PCDH11X: variants seen among roughly 807,000 people sequenced by gnomAD.
PCDH11X encodes protocadherin-11 X-linked.
In PCDH11X, 18 loss-of-function variants were observed where a neutral mutation model predicts 53.3. The observed-to-expected ratio is 0.34, with a 90% CI of 0.23 to 0.50. PCDH11X has a LOEUF of 0.50. Ranked by LOEUF, PCDH11X falls within the 20% of genes least tolerant of loss-of-function variation. The pLI, the probability that PCDH11X is intolerant of heterozygous loss-of-function variation, is 0.98. For synonymous variants in PCDH11X, 279 were observed against 393.3 expected (o/e 0.71, Z 3.44); for missense variants, 570 against 1,032.4 (o/e 0.55, Z 6.14).
intron 7 of PCDH11X, among the ~76,000 whole-genome samples, chrX:92,216,427 C>T (rs1487143096): frequency 9.8e-5 from 10 of 102,517 alleles, no homozygotes; most frequent in South Asian, 4.8e-4. Context: ...GGAGCCGATG[C>T]GATCAACTGG....
chrX:92,264,435 G>A lies in PCDH11X; in HGVS notation c.3144+1292G>A, dbSNP rs1206092694. 2.7e-5 allele frequency among the ~76,000 whole-genome samples: 3 copies of A among 111,543 alleles called. No homozygotes were observed. The East Asian group carries it at 8.5e-4, about 31-fold the overall frequency. On this transcript the variant is annotated intron_variant, in intron 8 of 10. Coordinates refer to ENST00000682573, the MANE Select transcript of PCDH11X (RefSeq NM_032968.5). Reference sequence around the variant, plus strand: ...TCCAGTTAAAAGGAAGGAAGCAAGGGTAGTAAAATGTCACTGGCTGCTACT... The same window carrying A: ...TCCAGTTAAAAGGAAGGAAGCAAGGATAGTAAAATGTCACTGGCTGCTACT...
chrX:92,427,307 A>G lies in PCDH11X; in HGVS notation c.3343+39374A>G, dbSNP rs1443342288. ...TCTAGTTTAAAAAATAACCTCTAAT[A>G]TTGTATCCTGGGACAGAAAGCAATA... On this transcript the variant is annotated intron_variant, in intron 9 of 10. Transcript: ENST00000682573. Among the ~76,000 whole-genome samples the G allele has an allele frequency of 4.1e-5, 4 of 97,044 alleles. No homozygotes were observed. In the East Asian group the frequency reaches 1.4e-3, roughly 34 times the overall value. The allele number at this position is 97,044 out of a possible 115,157, so 84.3% of individuals were successfully genotyped here.
chrX:91,996,139 C>T (rs2062417680), intron 6 of PCDH11X, among the ~76,000 whole-genome samples: 2 of 92,019 alleles, frequency 2.2e-5, no homozygotes, highest in Admixed American at 1.2e-4. Flanking sequence ...CCACGCCTGG[C>T]CTTTTTTTTT....
chrX:92,497,029 C>A (rs1447717858), intron 10 of PCDH11X, among the ~76,000 whole-genome samples: 1 of 111,840 alleles, frequency 8.9e-6, no homozygotes, highest in Non-Finnish European at 1.9e-5. Context: ...AGCGGTAAAG[C>A]AGATTTTATT....
rs1473181139 is a variant in PCDH11X at position 92,012,209 on chromosome X, T to C, written c.3033+132936T>C. ...CATAAAGACCATGTGGTTTTTTTTT[T>C]GTTTAATGTAGTAATGTTTTGATGT... On this transcript the variant is annotated intron_variant, in intron 6 of 10. Transcript: ENST00000682573. Among the ~76,000 whole-genome samples, 6 of 109,046 alleles carry C rather than the reference T, an allele frequency of 5.5e-5. No homozygotes were observed. The Admixed American group carries it at 6.0e-4, about 11-fold the overall frequency. 94.7% of individuals were successfully genotyped at this position (109,046 alleles called of 115,157 possible).
intron 6 of PCDH11X, chrX:92,113,690 A>C: frequency 8.3e-7 from 1 of 1,197,921 alleles, no homozygotes; most frequent in Non-Finnish European, 1.1e-6. Flanking sequence ...TCCAGCTTCC[A>C]CTCCTCTCGT....
intron 8 of PCDH11X, among the ~76,000 whole-genome samples, chrX:92,355,851 G>A (rs952749344): frequency 4.6e-5 from 5 of 109,221 alleles, no homozygotes; most frequent in East Asian, 5.8e-4. Context: ...TCAGAGAACC[G>A]TGCTATCTCA....
intron 6 of PCDH11X, among the ~76,000 whole-genome samples, chrX:92,155,981 A>G (rs2065527770): frequency 9.2e-6 from 1 of 109,067 alleles, no homozygotes; most frequent in Non-Finnish European, 1.9e-5. Flanking sequence ...CGTCCCCTCC[A>G]TGTCAAGTCT....
intron 10 of PCDH11X, among the ~76,000 whole-genome samples, chrX:92,556,218 A>T (rs1168444439): frequency 2.7e-5 from 3 of 110,518 alleles, no homozygotes; most frequent in Non-Finnish European, 5.7e-5. Flanking sequence ...TCCCCACCCA[A>T]ATCTTATATA....
intron 6 of PCDH11X, among the ~76,000 whole-genome samples, chrX:91,909,718 A>G (rs1941309461): frequency 9.2e-6 from 1 of 108,123 alleles, no homozygotes; most frequent in African/African-American, 3.4e-5. Context: ...ATATCACATC[A>G]GTGTTTTATT....
At chrX:92,376,088 A>G (rs1344730964) in intron 8 of PCDH11X, among the ~76,000 whole-genome samples, 2 of 111,147 alleles carry the variant, frequency 1.8e-5, no homozygotes, top group Non-Finnish European at 3.8e-5. Context: ...TCTTTCCCCT[A>G]TTAGGTCTGA....
chrX:92,538,509 A>T, intron 10 of PCDH11X, among the ~76,000 whole-genome samples: 1 of 109,166 alleles, frequency 9.2e-6, no homozygotes, highest in Non-Finnish European at 1.9e-5. Context: ...TTTAATTTGT[A>T]ACTTTTTATT....
intron 6 of PCDH11X, among the ~76,000 whole-genome samples, chrX:92,175,783 T>TACACAC (rs1213559599): frequency 0.11 from 9,143 of 85,542 alleles, 490 homozygotes; most frequent in Middle Eastern, 0.15. Flanking sequence ...TGTGTATATA[T>TACACAC]ATACACACAC....
At chrX:92,182,059 G>C (rs1285207764) in intron 6 of PCDH11X, among the ~76,000 whole-genome samples, 2 of 112,240 alleles carry the variant, frequency 1.8e-5, no homozygotes. Context: ...CTCAATGCCA[G>C]CCAGTAAAAG....
At chrX:91,974,124 T>C (rs1436225499) in intron 6 of PCDH11X, among the ~76,000 whole-genome samples, 1 of 111,834 alleles carries the variant, frequency 8.9e-6, no homozygotes, top group Admixed American at 9.6e-5. Context: ...TGTAAATGGA[T>C]GACTGATTAA....
chrX:92,254,549 A>G (rs2067526365), intron 7 of PCDH11X, among the ~76,000 whole-genome samples: 1 of 107,835 alleles, frequency 9.3e-6, no homozygotes, highest in South Asian at 4.3e-4. Flanking sequence ...TGGTCTTTAC[A>G]TTTTGGCATG....
At chrX:91,884,840 C>G in intron 6 of PCDH11X, among the ~76,000 whole-genome samples, 1 of 107,325 alleles carries the variant, frequency 9.3e-6, no homozygotes, top group East Asian at 3.0e-4. Flanking sequence ...ATCATTTTAC[C>G]TTTAAAAGTG....
intron 6 of PCDH11X, among the ~76,000 whole-genome samples, chrX:92,180,626 T>C (rs769010551): frequency 4.4e-4 from 49 of 111,472 alleles, no homozygotes; most frequent in Non-Finnish European, 8.3e-4. Context: ...TGAATTCCCA[T>C]ATGTTGTGGG....
intron 8 of PCDH11X, among the ~76,000 whole-genome samples, chrX:92,355,412 C>T (rs2070173633): frequency 3.4e-5 from 1 of 29,375 alleles, no homozygotes; most frequent in Admixed American, 7.8e-4. Flanking sequence ...GGCGAGACTC[C>T]GTCTCAAAAA....
Sources: gnomAD v4.1 joint callset for allele counts (sites outside exome capture counted in the v4.1 genomes callset) on GRCh38, gnomAD v4.1.1 for gene constraint, MANE v1.5 for transcripts, NCBI Gene and HGNC (gene_info 2026-07-23, HGNC 2026-07-21) for gene names.